The following RHOF variants were observed in gnomAD, a reference collection of about 807,000 sequenced individuals.
RHOF encodes ras homolog family member F, filopodia associated, also known as rho-related GTP-binding protein RhoF.
RHOF carries 21 observed loss-of-function variants against 22.2 expected under a neutral mutation model. That is an observed-to-expected ratio of 0.95 (90% CI 0.67 to 1.36). The LOEUF (loss-of-function observed/expected upper bound fraction) is 1.36, where lower values mean the gene tolerates loss of function less well. Ranked by LOEUF, RHOF falls within the 40% of genes most tolerant of loss-of-function variation. The pLI is 0.00. For missense variants in RHOF, 285 were observed against 293.7 expected (o/e 0.97, Z 0.22); for synonymous variants, 135 against 131.2 (o/e 1.03, Z -0.20).
At position 121,793,617 on chromosome 12, in the gene RHOF, G is replaced by A; in HGVS notation, c.17C>T (p.Ala6Val). Residue 6 changes from alanine to valine, a missense_variant, in exon 1 of 5, where the codon GCC (alanine) becomes GTC (valine). Ala to Val is a moderately conservative substitution (Grantham distance 64). Transcript: ENST00000267205. ...ACCGGGGGCGGCGGTCTGGGCCAGG[G>A]CCCCGGGGGCATCCATTGCCCGGAG... MDAPGALAQTAAPGPG... is the reference protein window; with the variant it reads MDAPGVLAQTAAPGPG... 2 of 1,545,106 alleles carry A rather than the reference G, an allele frequency of 1.3e-6. No individual in the cohort carries two copies. Among genetic ancestry groups the A allele is most frequent in the Non-Finnish European group, 1.7e-6 (2 of 1,151,384 alleles).
intron 2 of RHOF, among the ~76,000 whole-genome samples, chr12:121,783,716 T>G (rs1204623411): frequency 2.0e-5 from 3 of 152,080 alleles, no homozygotes; most frequent in Admixed American, 2.0e-4. Context: ...TCCCGACCTC[T>G]GGTGATCCAC....
At position 121,787,091 on chromosome 12, in the gene RHOF, G is replaced by T. The variant is rs114207469; in HGVS notation, c.227-5899C>A. 9.1e-3 allele frequency among the ~76,000 whole-genome samples: 1,381 copies of T among 152,068 alleles called. 10 individuals are homozygous for T. The highest frequency in any genetic ancestry group is 0.027 in the African/African-American group (1,105 of 41,482). On this transcript the variant is annotated intron_variant, in intron 2 of 4. Transcript: ENST00000267205. ...AAAACAGTAATTCTCTGGGTTTTTT[G>T]GTTTGCCTCTCCTGCGGGCAGGAAC...
At chr12:121,793,410 G>T (rs1874817448) in intron 1 of RHOF, 86 bp downstream of exon 1, 2 of 1,504,344 alleles carry the variant, frequency 1.3e-6, no homozygotes, top group South Asian at 2.4e-5. Flanking sequence ...GTCCGTGCTC[G>T]GGACGCTGGG....
chr12:121,785,302 C>T (rs1483563515), intron 2 of RHOF, among the ~76,000 whole-genome samples: 3 of 152,180 alleles, frequency 2.0e-5, no homozygotes, highest in Non-Finnish European at 4.4e-5. Context: ...AATTATTTCT[C>T]GAATTTTCCA....
chr12:121,780,373 AATGGTT>A, intron 4 of RHOF: 1 of 170,420 alleles, frequency 5.9e-6, no homozygotes, highest in Admixed American at 6.0e-5. Flanking sequence ...TGCCCTTATT[AATGGTT>A]ATTTCTTGTG....
chr12:121,793,348 C>A, intron 1 of RHOF, 109 bp from the exon 2 acceptor site: 1 of 1,430,936 alleles, frequency 7.0e-7, no homozygotes. Flanking sequence ...CCCCCCCTCA[C>A]CCCGCTGGGC....
At position 121,780,954 on chromosome 12, in the gene RHOF, C is replaced by G. The variant is rs547035963; in HGVS notation, c.389G>C (p.Gly130Ala). The change falls in exon 4 of 5, where the codon GGC (glycine) becomes GCC (alanine). Residue 130 changes from glycine (G) to alanine (A), a missense_variant. Coordinates refer to ENST00000267205, the MANE Select transcript of RHOF (RefSeq NM_019034.3). Reference sequence around the variant, plus strand: ...GTCCTTCCTCAGGTCTGTCTTGCAGCCGATGAGCACCATGGGGATCCCGCG... The same window carrying G: ...GTCCTTCCTCAGGTCTGTCTTGCAGGCGATGAGCACCATGGGGATCCCGCG... ...FCRGIPMVLIGCKTDLRKDKE... is the reference protein window; with the variant it reads ...FCRGIPMVLIACKTDLRKDKE... 2.2e-5 allele frequency: 35 copies of G among 1,614,132 alleles called. No individual in the cohort carries two copies. In the South Asian group the frequency reaches 3.7e-4, roughly 17 times the overall value.
rs1018755502 is a variant in RHOF, at chr12:121,779,384, G to A, written c.*114C>T. On this transcript the variant is annotated 3_prime_UTR_variant, in exon 5 of 5. Coordinates refer to ENST00000267205, the MANE Select transcript of RHOF (RefSeq NM_019034.3). ...TCCAGAATGTTCCAAGAGTCTAGCC[G>A]CAGGCCCCAGACACCATGAGCTGGA... 64 of 1,138,202 alleles carry A rather than the reference G, an allele frequency of 5.6e-5. No individual in the cohort carries two copies. Among genetic ancestry groups the A allele is most frequent in the Middle Eastern group, 2.9e-4 (1 of 3,474 alleles). The allele number at this position is 1,138,202 out of a possible 1,614,324, so 70.5% of individuals were successfully genotyped here.
At chr12:121,793,107 CG>C in intron 2 of RHOF, 44 bp downstream of exon 2, 1 of 1,506,416 alleles carries the variant, frequency 6.6e-7, no homozygotes, top group Non-Finnish European at 9.0e-7. Context: ...GGAAACCCTT[CG>C]GGCGGGCGGA....
intron 2 of RHOF, among the ~76,000 whole-genome samples, chr12:121,792,685 G>A (rs1336647114): frequency 1.3e-5 from 2 of 152,222 alleles, no homozygotes; most frequent in African/African-American, 4.8e-5. Flanking sequence ...CAGAGCGCAG[G>A]CCACAGAGCC....
intron 2 of RHOF, among the ~76,000 whole-genome samples, chr12:121,787,857 C>T (rs955201185): frequency 2.2e-5 from 3 of 135,754 alleles, no homozygotes; most frequent in Middle Eastern, 4.8e-3. Context: ...AACCACTACA[C>T]TCCAGCCTGG....
chr12:121,784,101 G>A (rs535998427), intron 2 of RHOF, among the ~76,000 whole-genome samples: 8 of 152,052 alleles, frequency 5.3e-5, no homozygotes, highest in East Asian at 1.9e-4. Context: ...TCTTTTCACC[G>A]TTTTCTCTCT....
At position 121,779,276 on chromosome 12, in the gene RHOF, C is replaced by T; in HGVS notation, c.*222G>A. Reference sequence around the variant, plus strand: ...CGAGTCCCGACAACAGACACTGGCTCCTGCACCCACATCACCACCATGTCC... The same window carrying T: ...CGAGTCCCGACAACAGACACTGGCTTCTGCACCCACATCACCACCATGTCC... On this transcript the variant is annotated 3_prime_UTR_variant, in exon 5 of 5. Transcript: ENST00000267205. The T allele has an allele frequency of 1.7e-6, 1 of 586,554 alleles. No individual in the cohort carries two copies. The highest frequency in any genetic ancestry group is 1.9e-5 in the African/African-American group (1 of 53,716). 36.3% of individuals were successfully genotyped at this position (586,554 alleles called of 1,614,324 possible).
chr12:121,783,567 A>G (rs936887980), intron 2 of RHOF, among the ~76,000 whole-genome samples: 11 of 151,640 alleles, frequency 7.3e-5, no homozygotes, highest in African/African-American at 2.7e-4. Context: ...ACTGCAACCT[A>G]CACCTCCCAG....
intron 2 of RHOF, among the ~76,000 whole-genome samples, chr12:121,789,199 C>T (rs911570547): frequency 3.9e-5 from 6 of 152,178 alleles, no homozygotes; most frequent in South Asian, 2.1e-4. Context: ...TATGGCACTC[C>T]AGCCTGGGTG....
chr12:121,783,694 C>G (rs570574509), intron 2 of RHOF, among the ~76,000 whole-genome samples: 1 of 152,280 alleles, frequency 6.6e-6, no homozygotes, highest in African/African-American at 2.4e-5. Flanking sequence ...GTTGGTCAGG[C>G]TGGTCTCGAA....
chr12:121,792,645 G>C (rs1874793127), intron 2 of RHOF, among the ~76,000 whole-genome samples: 1 of 152,228 alleles, frequency 6.6e-6, no homozygotes, highest in Admixed American at 6.5e-5. Context: ...CACAGAACTC[G>C]CATCCACAGG....
chr12:121,785,521 G>C (rs1022483901), intron 2 of RHOF, among the ~76,000 whole-genome samples: 6 of 151,256 alleles, frequency 4.0e-5, no homozygotes, highest in African/African-American at 1.5e-4. Context: ...ACGCCTCCTG[G>C]GTTCAAGTGG....
At chr12:121,784,668 C>T (rs1874560698) in intron 2 of RHOF, among the ~76,000 whole-genome samples, 1 of 152,144 alleles carries the variant, frequency 6.6e-6, no homozygotes, top group African/African-American at 2.4e-5. Context: ...TGCTTGAGGT[C>T]AATGACTCAG....
Sources: allele counts gnomAD v4.1 joint callset (sites outside exome capture counted in the v4.1 genomes callset), GRCh38; gene constraint gnomAD v4.1.1; transcripts MANE v1.5; gene names NCBI Gene and HGNC (gene_info 2026-07-23, HGNC 2026-07-21).